The following SUPT7L variants were observed in gnomAD, a reference collection of about 807,000 sequenced individuals.
SUPT7L encodes SPT7 like, STAGA complex subunit gamma, also known as STAGA complex 65 subunit gamma.
SUPT7L carries 15 observed loss-of-function variants against 35.7 expected under a neutral mutation model. The ratio of observed to expected loss-of-function variants is 0.42; its 90% CI spans 0.28 to 0.65. SUPT7L has a LOEUF of 0.65. Ranked by LOEUF, SUPT7L falls within the 30% of genes least tolerant of loss-of-function variation. The pLI is 0.23. For missense variants in SUPT7L, 434 were observed against 522.2 expected, an observed-to-expected ratio of 0.83 and a Z score of 1.65; for synonymous variants, 168 against 186.2, an observed-to-expected ratio of 0.90 and a Z score of 0.79.
downstream of SUPT7L, among the ~76,000 whole-genome samples, chr2:27,649,072 C>T (rs1003787564): frequency 2.6e-5 from 4 of 151,670 alleles, no homozygotes; most frequent in Admixed American, 6.6e-5. Context: ...GGTGAAACCC[C>T]ATCTCTACTA....
chr2:27,661,302 A>G lies in SUPT7L; in HGVS notation c.101T>C (p.Val34Ala). The change falls in exon 3 of 6, where the codon GTC (valine) becomes GCC (alanine). Residue 34 changes from valine (V) to alanine (A), a missense_variant. Physicochemically the swap from Val to Ala is moderately conservative, Grantham distance 64 (BLOSUM62 0). This residue lies in a region of SUPT7L where 77 missense variants were observed against 114.4 expected (regional missense o/e 0.67). Coordinates refer to ENST00000337768, the MANE Select transcript of SUPT7L (RefSeq NM_014860.3). ...LLPREFRLVE[V>A]HDPPLHQPSA... The stretch of plus-strand genomic sequence containing the variant: ...GGGTTGGTGCAGGGGTGGGTCATGG[A>G]CTTCCACCAGACGGAACTCCCGTGG... 6.2e-7 allele frequency: 1 copy of G among 1,613,942 alleles called. No homozygotes were observed. Among genetic ancestry groups the G allele is most frequent in the Non-Finnish European group, 8.5e-7 (1 of 1,179,930 alleles).
the SUPT7L span, among the ~76,000 whole-genome samples, chr2:27,644,226 C>G: frequency 6.6e-6 from 1 of 152,066 alleles, no homozygotes; most frequent in Non-Finnish European, 1.5e-5. Flanking sequence ...GGCTGTTTTT[C>G]TGTTTGTAAT....
rs923751180 is a variant in SUPT7L, at chr2:27,657,299, A to C, written c.744+46T>G. ...TTGTGGGATCCTGCTGAACACTCCGAGATTGCACAGACATCTGTGCCCACT... is the reference window on the plus strand; with the variant it reads ...TTGTGGGATCCTGCTGAACACTCCGCGATTGCACAGACATCTGTGCCCACT... On this transcript the variant is annotated intron_variant, in intron 4 of 5. Coordinates refer to ENST00000337768, the MANE Select transcript of SUPT7L (RefSeq NM_014860.3). The surrounding 1 kb of genome is among the most constrained non-coding windows in gnomAD (Gnocchi z 5.2). 1.3e-6 allele frequency: 2 copies of C among 1,587,022 alleles called. No homozygotes were observed. The highest frequency in any genetic ancestry group is 2.7e-5 in the African/African-American group (2 of 74,486).
intron 3 of SUPT7L, among the ~76,000 whole-genome samples, chr2:27,658,631 C>T (rs1472091137): frequency 1.3e-5 from 2 of 152,224 alleles, no homozygotes; most frequent in African/African-American, 4.8e-5. Flanking sequence ...TGTGTCATCA[C>T]GCACTGTACA....
chr2:27,651,678 C>G lies in SUPT7L; in HGVS notation c.*1807G>C, dbSNP rs1674561235. On this transcript the variant is annotated 3_prime_UTR_variant, in exon 6 of 6. Transcript: ENST00000337768. ...TAACTTGTCTTCCTTATGCTTCAAG[C>G]TCCAAAAGGGTAAGGAAGAAGTCTT... 6.6e-6 allele frequency: 1 copy of G among 152,192 alleles called. No homozygotes were observed. The highest frequency in any genetic ancestry group is 2.4e-5 in the African/African-American group (1 of 41,436). The allele number at this position is 152,192 out of a possible 1,614,324, so 9.4% of individuals were successfully genotyped here.
downstream of SUPT7L, chr2:27,647,984 G>C (rs764114364): frequency 9.2e-7 from 1 of 1,085,768 alleles, no homozygotes; most frequent in South Asian, 1.3e-5. Context: ...CAGAGCATCT[G>C]CTTATCCTCA....
At position 27,657,765 on chromosome 2, in the gene SUPT7L, G is replaced by A. The variant is rs1674874626; in HGVS notation, c.420-96C>T. The A allele has an allele frequency of 2.5e-6, 3 of 1,202,036 alleles. No homozygotes were observed. The highest frequency in any genetic ancestry group is 3.1e-5 in the African/African-American group (2 of 64,992). 74.5% of individuals were successfully genotyped at this position (1,202,036 alleles called of 1,614,324 possible). Reference sequence around the variant, plus strand: ...GTTTTACAATTCCAGTCAAGCCACTGGCCTAGCTTTCCAGGGAAATTCCAT... The same window carrying A: ...GTTTTACAATTCCAGTCAAGCCACTAGCCTAGCTTTCCAGGGAAATTCCAT... On this transcript the variant is annotated intron_variant, in intron 3 of 5. Coordinates refer to ENST00000337768, the MANE Select transcript of SUPT7L (RefSeq NM_014860.3). This position sits in a 1 kb window ranked among gnomAD's most constrained non-coding sequence, Gnocchi z 5.2.
intron 5 of SUPT7L, among the ~76,000 whole-genome samples, chr2:27,655,000 G>A (rs964815012): frequency 6.6e-6 from 1 of 152,162 alleles, no homozygotes; most frequent in Non-Finnish European, 1.5e-5. Flanking sequence ...TGAAGTACAA[G>A]CATCAGGAAG....
At chr2:27,663,105 C>G (rs1460916806) in intron 1 of SUPT7L, among the ~76,000 whole-genome samples, 1 of 151,744 alleles carries the variant, frequency 6.6e-6, no homozygotes, top group African/African-American at 2.4e-5. Flanking sequence ...TTGTTTGATT[C>G]AATTCTTCCA....
chr2:27,643,981 C>G, the SUPT7L span, among the ~76,000 whole-genome samples: 1 of 152,154 alleles, frequency 6.6e-6, no homozygotes, highest in African/African-American at 2.4e-5. This position sits in a 1 kb window ranked among gnomAD's most constrained non-coding sequence, Gnocchi z 4.0. Flanking sequence ...GAATTCGAGA[C>G]CAGCCTGGCC....
Position 27,655,656 on chromosome 2 carries a change from A to C in SUPT7L, c.745-54T>G, listed in dbSNP as rs1572975646. ...AGGAAATGTTAAAAGCAAGTTGGAT[A>C]GTCAGCTTGTGACGTCCCATGGAAA... is the stretch of plus-strand genomic sequence containing the variant. On this transcript the variant is annotated intron_variant, in intron 4 of 5. Transcript: ENST00000337768. 5 of 1,477,080 alleles carry C rather than the reference A, an allele frequency of 3.4e-6. No homozygotes were observed. In the African/African-American group the frequency reaches 7.0e-5, roughly 21 times the overall value. 91.5% of individuals were successfully genotyped at this position (1,477,080 alleles called of 1,614,324 possible).
At chr2:27,644,590 C>T in the SUPT7L span, among the ~76,000 whole-genome samples, 570 of 151,376 alleles carry the variant, frequency 3.8e-3, 1 homozygote, top group African/African-American at 0.013. Context: ...TTGAGATCCC[C>T]GATTAATTTA....
chr2:27,656,003 C>G (rs1674790724), intron 4 of SUPT7L, among the ~76,000 whole-genome samples: 1 of 150,340 alleles, frequency 6.7e-6, no homozygotes, highest in Non-Finnish European at 1.5e-5. Context: ...TGGGCAGTAT[C>G]TAGTGAGACC....
downstream of SUPT7L, among the ~76,000 whole-genome samples, chr2:27,649,449 T>C (rs79855248): frequency 1.2e-4 from 13 of 105,670 alleles, no homozygotes; most frequent in Non-Finnish European, 2.6e-4. Context: ...TTAATAAATA[T>C]ATACTTTCTT....
In SUPT7L at chr2:27,652,321, G is replaced by GA. The variant is rs1371852418; in HGVS notation, c.*1163dup. Reference sequence around the variant, plus strand: ...TGGGACATTTAAGGCATTCAATAATGAATTAAAGCTGTGCCTTATTTTGGT... The same window carrying GA: ...TGGGACATTTAAGGCATTCAATAATGAAATTAAAGCTGTGCCTTATTTTGGT... On this transcript the variant is annotated 3_prime_UTR_variant, in exon 6 of 6. Transcript: ENST00000337768. 3 of 152,400 alleles carry GA rather than the reference G, an allele frequency of 2.0e-5. No individual in the cohort carries two copies. In the East Asian group the frequency reaches 5.6e-4, roughly 29 times the overall value. 9.4% of individuals were successfully genotyped at this position (152,400 alleles called of 1,614,324 possible).
chr2:27,644,874 A>G, the SUPT7L span, among the ~76,000 whole-genome samples: 3 of 151,966 alleles, frequency 2.0e-5, no homozygotes, highest in Non-Finnish European at 1.5e-5. Flanking sequence ...TGCTACGTGT[A>G]TAATGTTCCA....
intron 3 of SUPT7L, among the ~76,000 whole-genome samples, chr2:27,659,228 G>A (rs1168863373): frequency 6.6e-6 from 1 of 152,134 alleles, no homozygotes; most frequent in African/African-American, 2.4e-5. Flanking sequence ...TGATTACAAT[G>A]GACCTTGATA....
the SUPT7L span, among the ~76,000 whole-genome samples, chr2:27,643,728 A>G: frequency 6.6e-6 from 1 of 152,122 alleles, no homozygotes; most frequent in Non-Finnish European, 1.5e-5. The surrounding 1 kb of genome is among the most constrained non-coding windows in gnomAD (Gnocchi z 4.0). Context: ...GGTTTGTCTC[A>G]TGTTTCCTCA....
downstream of SUPT7L, among the ~76,000 whole-genome samples, chr2:27,648,749 C>T (rs1674364794): frequency 6.6e-6 from 1 of 152,192 alleles, no homozygotes; most frequent in Non-Finnish European, 1.5e-5. Flanking sequence ...GATTCTCCCA[C>T]TTCAGCCTCC....
Sources: gnomAD v4.1 joint callset for allele counts (sites outside exome capture counted in the v4.1 genomes callset) on GRCh38, gnomAD v4.1.1 for gene constraint, gnomAD v4.1.1 regional missense constraint, Gnocchi (gnomAD v3.1) non-coding constraint, MANE v1.5 for transcripts, NCBI Gene and HGNC (gene_info 2026-07-23, HGNC 2026-07-21) for gene names.